Variants in RBFOX1 observed in about 807,000 individuals in gnomAD.
RBFOX1 encodes the protein RNA binding fox-1 homolog 1, also known as RNA binding protein fox-1 homolog 1.
Under a neutral mutation model 57.7 loss-of-function variants are expected in RBFOX1, and 8 were observed. The ratio of observed to expected loss-of-function variants is 0.14; its 90% CI spans 0.08 to 0.25. The LOEUF is 0.25. Ranked by LOEUF, RBFOX1 falls within the 10% of genes least tolerant of loss-of-function variation. The pLI, the probability that RBFOX1 is intolerant of heterozygous loss-of-function variation, is 1.00. For synonymous variants in RBFOX1, 326 were observed against 222.4 expected, an observed-to-expected ratio of 1.47 and a Z score of -4.15; for missense variants, 611 against 548.5, an observed-to-expected ratio of 1.11 and a Z score of -1.14.
At chr16:5,435,805 A>G (rs954030069) in intron 1 of RBFOX1, among the ~76,000 whole-genome samples, 6 of 152,246 alleles carry the variant, frequency 3.9e-5, no homozygotes, top group African/African-American at 1.4e-4. Flanking sequence ...TTAAGATCAC[A>G]TAGCATTCCA....
intron 2 of RBFOX1, among the ~76,000 whole-genome samples, chr16:6,510,525 T>G (rs17442866): frequency 6.6e-6 from 1 of 152,010 alleles, no homozygotes; most frequent in Non-Finnish European, 1.5e-5. Context: ...TTATTATCAT[T>G]CATTTGTTCA....
At chr16:7,707,099 A>C (rs2082706995) in intron 14 of RBFOX1, among the ~76,000 whole-genome samples, 3 of 152,216 alleles carry the variant, frequency 2.0e-5, no homozygotes, top group African/African-American at 7.2e-5. Flanking sequence ...GCATCCCTTC[A>C]GGTCCTTGTT....
intron 1 of RBFOX1, among the ~76,000 whole-genome samples, chr16:6,146,033 C>T (rs887353150): frequency 1.3e-5 from 2 of 152,134 alleles, no homozygotes; most frequent in African/African-American, 4.8e-5. Flanking sequence ...AATCTAAGGC[C>T]AGAGACAGCG....
chr16:5,412,464 T>C (rs2067046994), intron 1 of RBFOX1, among the ~76,000 whole-genome samples: 1 of 152,210 alleles, frequency 6.6e-6, no homozygotes, highest in African/African-American at 2.4e-5. Context: ...GGACTGTGGA[T>C]GCTGGAATCT....
intron 4 of RBFOX1, among the ~76,000 whole-genome samples, chr16:7,068,433 G>A (rs2056618846): frequency 6.6e-6 from 1 of 152,094 alleles, no homozygotes; most frequent in African/African-American, 2.4e-5. Flanking sequence ...GGTGGCCATT[G>A]GCCCAGGACT....
At chr16:5,294,236 A>G (rs973231408) in intron 1 of RBFOX1, among the ~76,000 whole-genome samples, 1 of 152,130 alleles carries the variant, frequency 6.6e-6, no homozygotes, top group African/African-American at 2.4e-5. Flanking sequence ...CTCAAAAACA[A>G]AAAACAAGAA....
At chr16:7,414,257 G>A (rs1348334607) in intron 4 of RBFOX1, among the ~76,000 whole-genome samples, 1 of 152,248 alleles carries the variant, frequency 6.6e-6, no homozygotes, top group African/African-American at 2.4e-5. Context: ...TCACCTTGGT[G>A]GAGATGATTG....
At chr16:5,937,942 C>T (rs1466798100) in intron 4 of RBFOX1, among the ~76,000 whole-genome samples, 3 of 151,948 alleles carry the variant, frequency 2.0e-5, no homozygotes, top group Non-Finnish European at 4.4e-5. Context: ...TATGTTACAA[C>T]AGGAGTAACA....
intron 1 of RBFOX1, among the ~76,000 whole-genome samples, chr16:6,085,168 G>C (rs909194257): frequency 1.3e-5 from 2 of 152,174 alleles, no homozygotes; most frequent in Non-Finnish European, 2.9e-5. Context: ...ACAACTTGCA[G>C]ATCCAGACCT....
chr16:6,966,837 A>G (rs532261236), intron 3 of RBFOX1, among the ~76,000 whole-genome samples: 53 of 151,504 alleles, frequency 3.5e-4, no homozygotes, highest in African/African-American at 1.2e-3. Flanking sequence ...CTGTCTATCT[A>G]TCTATCCATC....
intron 1 of RBFOX1, among the ~76,000 whole-genome samples, chr16:6,185,132 C>T (rs180770788): frequency 6.1e-4 from 93 of 152,254 alleles, no homozygotes; most frequent in African/African-American, 2.0e-3. Flanking sequence ...TGGCATTAGA[C>T]ACCTTTAGAC....
At chr16:6,928,510 G>A (rs893331121) in intron 3 of RBFOX1, among the ~76,000 whole-genome samples, 3 of 152,080 alleles carry the variant, frequency 2.0e-5, no homozygotes, top group Non-Finnish European at 2.9e-5. Flanking sequence ...CGTTAATTAT[G>A]CACCTCTTGT....
At chr16:5,741,178 G>A (rs567871224) in intron 3 of RBFOX1, among the ~76,000 whole-genome samples, 2 of 152,080 alleles carry the variant, frequency 1.3e-5, no homozygotes, top group Non-Finnish European at 2.9e-5. Flanking sequence ...CACGAGCAGA[G>A]TCTCATCTCA....
chr16:6,684,483 C>T (rs575973363), intron 3 of RBFOX1, among the ~76,000 whole-genome samples: 1 of 152,186 alleles, frequency 6.6e-6, no homozygotes, highest in Non-Finnish European at 1.5e-5. Context: ...GAACTTAAGT[C>T]TTGCAAACAT....
intron 3 of RBFOX1, among the ~76,000 whole-genome samples, chr16:5,645,696 T>G (rs1360054841): frequency 3.9e-5 from 6 of 152,230 alleles, no homozygotes; most frequent in South Asian, 2.1e-4. Flanking sequence ...GACAGGATCT[T>G]GGTCTGGCAC....
intron 4 of RBFOX1, among the ~76,000 whole-genome samples, chr16:7,473,519 T>G (rs961709235): frequency 2.7e-5 from 4 of 148,534 alleles, no homozygotes; most frequent in African/African-American, 9.8e-5. Flanking sequence ...GTATTATATA[T>G]ATAATATATA....
chr16:5,363,287 C>T (rs1596667370), intron 1 of RBFOX1, among the ~76,000 whole-genome samples: 1 of 151,844 alleles, frequency 6.6e-6, no homozygotes, highest in Admixed American at 6.6e-5. Flanking sequence ...TCATGTGATC[C>T]ACCTTCCTTG....
At chr16:6,139,865 G>A (rs924174610) in intron 1 of RBFOX1, among the ~76,000 whole-genome samples, 1 of 152,144 alleles carries the variant, frequency 6.6e-6, no homozygotes, top group Non-Finnish European at 1.5e-5. Context: ...AAGCAGAAAA[G>A]GGTGGACAAA....
chr16:6,911,542 G>A (rs990004898), intron 3 of RBFOX1, among the ~76,000 whole-genome samples: 14 of 152,140 alleles, frequency 9.2e-5, no homozygotes, highest in African/African-American at 3.4e-4. Flanking sequence ...TTTTTATGAT[G>A]ACATCAGTCA....
Sources: gnomAD v4.1 joint callset for allele counts (sites outside exome capture counted in the v4.1 genomes callset) on GRCh38, gnomAD v4.1.1 for gene constraint, MANE v1.5 for transcripts, NCBI Gene and HGNC (gene_info 2026-07-23, HGNC 2026-07-21) for gene names.